The following MACROD2 variants were observed in gnomAD, a reference collection of about 807,000 sequenced individuals.
The protein encoded by MACROD2 is ADP-ribose glycohydrolase MACROD2.
Under a neutral mutation model 70.4 loss-of-function variants are expected in MACROD2, and 36 were observed. That is an observed-to-expected ratio of 0.51 (90% CI 0.39 to 0.68). The LOEUF (loss-of-function observed/expected upper bound fraction) is 0.68. MACROD2 is among the 30% of genes least tolerant of loss of function. MACROD2 has a pLI of 0.00. For synonymous variants in MACROD2, 172 were observed against 178.8 expected, an observed-to-expected ratio of 0.96 and a Z score of 0.30; for missense variants, 496 against 538.4, an observed-to-expected ratio of 0.92 and a Z score of 0.78.
intron 6 of MACROD2, among the ~76,000 whole-genome samples, chr20:15,272,018 A>G (rs1267349829): frequency 6.6e-6 from 1 of 152,362 alleles, no homozygotes; most frequent in Non-Finnish European, 1.5e-5. Context: ...TTTAGAGAAA[A>G]ATGAAACACA....
chr20:14,232,239 G>A (rs1001453612), intron 3 of MACROD2, among the ~76,000 whole-genome samples: 37 of 152,218 alleles, frequency 2.4e-4, no homozygotes, highest in African/African-American at 7.5e-4. Context: ...ATGGCCCTAC[G>A]ATATTTAGAA....
chr20:14,410,644 A>G (rs1381808072), intron 3 of MACROD2, among the ~76,000 whole-genome samples: 1 of 152,154 alleles, frequency 6.6e-6, no homozygotes, highest in Non-Finnish European at 1.5e-5. Flanking sequence ...TTCAAACCAC[A>G]TTTTGAGTAG....
At chr20:15,867,703 T>C (rs2064513385) in intron 9 of MACROD2, among the ~76,000 whole-genome samples, 1 of 152,174 alleles carries the variant, frequency 6.6e-6, no homozygotes, top group African/African-American at 2.4e-5. Flanking sequence ...TTTTTCTTTT[T>C]TTTCTACTAG....
intron 8 of MACROD2, chr20:15,619,843 G>T (rs927594828): frequency 1.2e-5 from 2 of 160,234 alleles, no homozygotes; most frequent in Admixed American, 6.5e-5. Context: ...GACATTGTGG[G>T]ACTGGGACAA....
chr20:15,330,305 T>TA (rs548090419), intron 6 of MACROD2, among the ~76,000 whole-genome samples: 1 of 151,872 alleles, frequency 6.6e-6, no homozygotes, highest in African/African-American at 2.4e-5. Flanking sequence ...TCCATGTGAT[T>TA]GTCAGGCAGG....
chr20:15,456,835 G>C (rs1012440481), intron 7 of MACROD2, among the ~76,000 whole-genome samples: 1 of 152,010 alleles, frequency 6.6e-6, no homozygotes, highest in South Asian at 2.1e-4. Context: ...ATTGTCTCCC[G>C]GCATATTCTA....
intron 5 of MACROD2, among the ~76,000 whole-genome samples, chr20:15,071,561 T>C (rs1439362813): frequency 6.6e-6 from 1 of 152,188 alleles, no homozygotes; most frequent in East Asian, 1.9e-4. Context: ...ACTCAGTACT[T>C]TTTACTTTTT....
rs780552039 is a variant in MACROD2, at chr20:15,406,778, C to CT, written c.541-24626dup. On this transcript the variant is annotated intron_variant, in intron 6 of 17. Coordinates refer to ENST00000684519, the MANE Select transcript of MACROD2 (RefSeq NM_001351661.2). ...TATGTTTATTTTTAATTGATAGCAG[C>CT]TGAGCACAGGGAGGTGTCATTAGCT... 5.3e-5 allele frequency among the ~76,000 whole-genome samples: 8 copies of CT among 152,160 alleles called. No individual in the cohort carries two copies. In the East Asian group the frequency reaches 1.2e-3, roughly 22 times the overall value.
intron 5 of MACROD2, chr20:14,758,106 T>TA (rs368463170): frequency 0.038 from 10,509 of 276,618 alleles, 51 homozygotes; most frequent in Middle Eastern, 0.049. Flanking sequence ...CAAAAAAGCT[T>TA]AAAAAAAAAA....
intron 15 of MACROD2, among the ~76,000 whole-genome samples, chr20:16,010,301 G>A (rs1052424829): frequency 7.2e-5 from 11 of 152,062 alleles, no homozygotes; most frequent in African/African-American, 1.9e-4. Context: ...TGGCTGCAGG[G>A]CTCCCACAGG....
At chr20:15,947,060 G>T (rs534055490) in intron 12 of MACROD2, among the ~76,000 whole-genome samples, 1 of 152,190 alleles carries the variant, frequency 6.6e-6, no homozygotes, top group East Asian at 1.9e-4. Flanking sequence ...CAGCATTGCT[G>T]CCAACGTGTC....
chr20:14,888,407 C>T (rs1174560120), intron 5 of MACROD2: 1 of 152,188 alleles, frequency 6.6e-6, no homozygotes, highest in Non-Finnish European at 1.5e-5. Flanking sequence ...CATGCTGCTT[C>T]AGATCCAGAA....
At position 15,913,836 on chromosome 20, in the gene MACROD2, A is replaced by G. The variant is rs1455631520; in HGVS notation, c.776-19440A>G. ...CTCTCAAAGTGAAAGTGCTTATAGT[A>G]TTTTAGGGACACAGCATTTTTTAAA... On this transcript the variant is annotated intron_variant, in intron 10 of 17. Coordinates refer to ENST00000684519, the MANE Select transcript of MACROD2 (RefSeq NM_001351661.2). 7.9e-5 allele frequency among the ~76,000 whole-genome samples: 12 copies of G among 152,362 alleles called. No homozygotes were observed. In the East Asian group the frequency reaches 2.1e-3, roughly 27 times the overall value.
chr20:14,734,221 G>A (rs973448435), intron 5 of MACROD2, among the ~76,000 whole-genome samples: 1 of 151,902 alleles, frequency 6.6e-6, no homozygotes. Context: ...ATAAGGGGCC[G>A]GGCGTGGTGG....
At chr20:14,743,711 T>C (rs1184413930) in intron 5 of MACROD2, among the ~76,000 whole-genome samples, 2 of 152,218 alleles carry the variant, frequency 1.3e-5, no homozygotes, top group East Asian at 3.8e-4. Context: ...GGTTGAATAA[T>C]GTCCTTCCAT....
At chr20:15,399,675 G>C (rs1461898735) in intron 6 of MACROD2, among the ~76,000 whole-genome samples, 1 of 152,222 alleles carries the variant, frequency 6.6e-6, no homozygotes, top group Non-Finnish European at 1.5e-5. Flanking sequence ...GAAAGAAAGA[G>C]TATTAGTAGT....
chr20:15,466,175 C>T (rs974463191), intron 7 of MACROD2, among the ~76,000 whole-genome samples: 1 of 152,180 alleles, frequency 6.6e-6, no homozygotes, highest in African/African-American at 2.4e-5. Flanking sequence ...CTGCACAAGT[C>T]TTTGCATCTG....
chr20:14,561,572 A>G (rs555858988), intron 4 of MACROD2, among the ~76,000 whole-genome samples: 14 of 151,800 alleles, frequency 9.2e-5, no homozygotes, highest in African/African-American at 3.4e-4. Context: ...TTCATTGTTC[A>G]TTTGGGGGGT....
chr20:14,930,727 A>C (rs1209193168), intron 5 of MACROD2, among the ~76,000 whole-genome samples: 1 of 135,322 alleles, frequency 7.4e-6, no homozygotes, highest in Non-Finnish European at 1.5e-5. Context: ...TCAGGCCAGG[A>C]GTTCAAGCCA....
Sources: allele counts gnomAD v4.1 joint callset (sites outside exome capture counted in the v4.1 genomes callset), GRCh38; gene constraint gnomAD v4.1.1; transcripts MANE v1.5; gene names NCBI Gene and HGNC (gene_info 2026-07-23, HGNC 2026-07-21).